The following KCNC2 variants were observed in gnomAD, a reference collection of about 807,000 sequenced individuals.
KCNC2 encodes voltage-gated potassium channel KCNC2.
KCNC2 carries 21 observed loss-of-function variants against 44.5 expected under a neutral mutation model. The ratio of observed to expected loss-of-function variants is 0.47; its 90% CI spans 0.33 to 0.68. The LOEUF is 0.68. KCNC2 is among the 30% of genes least tolerant of loss of function. The pLI, the probability that KCNC2 is intolerant of heterozygous loss-of-function variation, is 0.01. For synonymous variants in KCNC2, 391 were observed against 339.1 expected, an observed-to-expected ratio of 1.15 and a Z score of -1.68; for missense variants, 589 against 826.2, an observed-to-expected ratio of 0.71 and a Z score of 3.52.
Position 75,061,571 on chromosome 12 carries a change from AC to A in KCNC2, c.688-10255del, listed in dbSNP as rs1882331826. 4.5e-3 allele frequency among the ~76,000 whole-genome samples: 6 copies of A among 1,332 alleles called. 2 individuals carry two copies. The South Asian group carries it at 0.095, about 21-fold the overall frequency. 0.9% of individuals were successfully genotyped at this position (1,332 alleles called of 152,430 possible). A position where few individuals can be genotyped will look rare whatever the true frequency, so the allele number is the denominator to read the frequency against. ...TGAGAAATATAAGTGACAAGTACACACACACACACACACACACACACACACA... is the reference window on the plus strand; with the variant it reads ...TGAGAAATATAAGTGACAAGTACACAACACACACACACACACACACACACA... On this transcript the variant is annotated intron_variant, in intron 2 of 4. Transcript: ENST00000549446.
chr12:75,139,109 G>A (rs1889460063), intron 2 of KCNC2, among the ~76,000 whole-genome samples: 1 of 151,672 alleles, frequency 6.6e-6, no homozygotes, highest in Non-Finnish European at 1.5e-5. Context: ...ATTCTAGCAT[G>A]AGGTCCTAGA....
intron 2 of KCNC2, among the ~76,000 whole-genome samples, chr12:75,186,950 T>C (rs1892997075): frequency 6.6e-6 from 1 of 152,236 alleles, no homozygotes; most frequent in South Asian, 2.1e-4. Flanking sequence ...ATTTTCTTTT[T>C]ATTAGCCATC....
intron 2 of KCNC2, among the ~76,000 whole-genome samples, chr12:75,061,980 T>C (rs1163939276): frequency 6.6e-6 from 1 of 152,054 alleles, no homozygotes; most frequent in African/African-American, 2.4e-5. Flanking sequence ...CCAGTAGCAA[T>C]GCTACCTTTG....
At chr12:75,113,874 A>T (rs886872234) in intron 2 of KCNC2, among the ~76,000 whole-genome samples, 4 of 152,176 alleles carry the variant, frequency 2.6e-5, no homozygotes, top group African/African-American at 9.7e-5. Context: ...ACAGAGTTTC[A>T]GGCCACTTTC....
At chr12:75,054,007 G>C (rs1362968972) in intron 2 of KCNC2, among the ~76,000 whole-genome samples, 1 of 151,452 alleles carries the variant, frequency 6.6e-6, no homozygotes, top group African/African-American at 2.4e-5. Flanking sequence ...TGGGTCGCTT[G>C]AGGTCAGGAG....
At chr12:75,054,846 A>G (rs564504613) in intron 2 of KCNC2, among the ~76,000 whole-genome samples, 3 of 152,262 alleles carry the variant, frequency 2.0e-5, no homozygotes, top group African/African-American at 7.2e-5. Flanking sequence ...TGAATGGGTG[A>G]CCCAGTGGCT....
At chr12:75,110,548 G>A (rs1337487631) in intron 2 of KCNC2, among the ~76,000 whole-genome samples, 1 of 152,044 alleles carries the variant, frequency 6.6e-6, no homozygotes, top group African/African-American at 2.4e-5. Flanking sequence ...AATATCAACT[G>A]ACCAGGACCG....
intron 2 of KCNC2, among the ~76,000 whole-genome samples, chr12:75,111,741 T>C (rs981113521): frequency 6.6e-6 from 1 of 152,042 alleles, no homozygotes; most frequent in African/African-American, 2.4e-5. Flanking sequence ...CTCCTCAAAA[T>C]CGATAGACTA....
chr12:75,130,568 TA>T (rs1888765683), intron 2 of KCNC2, among the ~76,000 whole-genome samples: 1 of 152,156 alleles, frequency 6.6e-6, no homozygotes, highest in Non-Finnish European at 1.5e-5. Flanking sequence ...TGAATGAGGC[TA>T]CAGAAATTAT....
intron 2 of KCNC2, among the ~76,000 whole-genome samples, chr12:75,074,804 C>G (rs920691516): frequency 6.6e-6 from 1 of 152,144 alleles, no homozygotes; most frequent in Admixed American, 6.5e-5. Flanking sequence ...ACCTGAAGTG[C>G]TGGACAAGAG....
At chr12:75,068,243 C>G (rs1883031694) in intron 2 of KCNC2, among the ~76,000 whole-genome samples, 2 of 152,188 alleles carry the variant, frequency 1.3e-5, no homozygotes, top group South Asian at 4.1e-4. Context: ...AGTGTTCTGA[C>G]CACCACAGGT....
intron 2 of KCNC2, among the ~76,000 whole-genome samples, chr12:75,201,278 AAAAAAAAAAAAAAAAAAAAAC>A (rs1218420515): frequency 6.8e-4 from 83 of 122,204 alleles, no homozygotes; most frequent in African/African-American, 2.4e-3. Context: ...AAAAAAAAAA[AAAAAAAAAAAAAAAAAAAAAC>A]CAGATTCTGG....
intron 2 of KCNC2, among the ~76,000 whole-genome samples, chr12:75,056,526 T>A (rs1374293354): frequency 6.6e-6 from 1 of 151,984 alleles, no homozygotes; most frequent in Non-Finnish European, 1.5e-5. Flanking sequence ...GAATACTTCA[T>A]GCCTATTATG....
chr12:75,040,975 GC>G lies in KCNC2; in HGVS notation c.*2129del. ...ATTTACAGTTGTTTCATGGACACTGGCCAGTCTACAAGCAGAGCACTCTCAT... is the reference window on the plus strand; with the variant it reads ...ATTTACAGTTGTTTCATGGACACTGGCAGTCTACAAGCAGAGCACTCTCAT... On this transcript the variant is annotated 3_prime_UTR_variant, in exon 5 of 5. Coordinates refer to ENST00000549446, the MANE Select transcript of KCNC2 (RefSeq NM_139137.4). 1.4e-6 allele frequency: 1 copy of G among 696,794 alleles called. No homozygotes were observed. The highest frequency in any genetic ancestry group is 2.5e-6 in the Non-Finnish European group (1 of 398,734). 43.2% of individuals were successfully genotyped at this position (696,794 alleles called of 1,614,324 possible). A position where few individuals can be genotyped will look rare whatever the true frequency, so the allele number is the denominator to read the frequency against.
rs1884278662 is a variant in KCNC2 at position 75,079,363 on chromosome 12, G to A, written c.688-28046C>T. Among the ~76,000 whole-genome samples, 10 of 151,978 alleles carry A rather than the reference G, an allele frequency of 6.6e-5. 1 individual carries two copies. Among genetic ancestry groups the A allele is most frequent in the Admixed American group, 6.6e-4 (10 of 15,240 alleles). ...CCACCACTGGATATAGAGACTACAT[G>A]TAAAATTTCAATTTCAACAGAAAAA... On this transcript the variant is annotated intron_variant, in intron 2 of 4. Transcript: ENST00000549446.
intron 2 of KCNC2, among the ~76,000 whole-genome samples, chr12:75,083,899 A>T (rs547072394): frequency 6.6e-6 from 1 of 152,118 alleles, no homozygotes; most frequent in South Asian, 2.1e-4. Context: ...GTAAAAGAAA[A>T]TAACTTTCAA....
At chr12:75,117,247 G>T (rs1887726927) in intron 2 of KCNC2, among the ~76,000 whole-genome samples, 1 of 152,186 alleles carries the variant, frequency 6.6e-6, no homozygotes, top group Admixed American at 6.5e-5. Flanking sequence ...AATTCATTTT[G>T]CCTGCTCCTT....
intron 2 of KCNC2, among the ~76,000 whole-genome samples, chr12:75,188,105 A>G (rs2029872959): frequency 6.6e-6 from 1 of 152,202 alleles, no homozygotes; most frequent in South Asian, 2.1e-4. Context: ...TCTTAGCCCT[A>G]GGACCACAGA....
At chr12:75,093,950 T>A (rs1885706412) in intron 2 of KCNC2, among the ~76,000 whole-genome samples, 1 of 151,700 alleles carries the variant, frequency 6.6e-6, no homozygotes, top group Non-Finnish European at 1.5e-5. Flanking sequence ...AAAACAGCAA[T>A]TACTTTTGCA....
Sources: allele counts gnomAD v4.1 joint callset (sites outside exome capture counted in the v4.1 genomes callset), GRCh38; gene constraint gnomAD v4.1.1; transcripts MANE v1.5; gene names NCBI Gene and HGNC (gene_info 2026-07-23, HGNC 2026-07-21).